The following PKDCC variants were observed in gnomAD, a reference collection of about 807,000 sequenced individuals.
PKDCC encodes protein kinase domain containing, cytoplasmic, also known as extracellular tyrosine-protein kinase PKDCC.
Under a neutral mutation model 44.7 loss-of-function variants are expected in PKDCC, and 35 were observed. The observed-to-expected ratio is 0.78, with a 90% confidence interval of 0.60 to 1.04. The LOEUF (loss-of-function observed/expected upper bound fraction) is 1.04. Ranked by LOEUF, PKDCC falls within the 50% of genes least tolerant of loss-of-function variation. The probability of loss-of-function intolerance (pLI) is 0.00; values close to 1 mark genes in which losing one functional copy is unlikely to be tolerated. For synonymous variants in PKDCC, 353 were observed against 303.3 expected (o/e 1.16, Z -1.70); for missense variants, 738 against 672.7 (o/e 1.10, Z -1.07).
Position 42,054,883 on chromosome 2 carries a change from A to G in PKDCC, c.1035-58A>G, listed in dbSNP as rs1572762297. ...AGCGTTCTGCCCCAGGTTGGAATAG[A>G]GGAAGGATGTGTCTCCAAAGGCTGG... On this transcript the variant is annotated intron_variant, in intron 3 of 6. Coordinates refer to ENST00000294964, the MANE Select transcript of PKDCC (RefSeq NM_138370.3). The surrounding 1 kb of genome is among the most constrained non-coding windows in gnomAD (Gnocchi z 6.1). The G allele has an allele frequency of 4.0e-6, 6 of 1,497,670 alleles. No individual in the cohort carries two copies. The South Asian group carries it at 5.6e-5, about 14-fold the overall frequency. 92.8% of individuals were successfully genotyped at this position (1,497,670 alleles called of 1,614,324 possible).
chr2:42,055,344 G>C lies in PKDCC; in HGVS notation c.1173G>C (p.Leu391=). The C allele has an allele frequency of 6.2e-7, 1 of 1,613,756 alleles. No homozygotes were observed. Among genetic ancestry groups the C allele is most frequent in the Non-Finnish European group, 8.5e-7 (1 of 1,180,006 alleles). The change falls in exon 5 of 7, where the codon CTG becomes CTC. Residue 391 remains leucine (L), a synonymous_variant. Coordinates refer to ENST00000294964, the MANE Select transcript of PKDCC (RefSeq NM_138370.3). The surrounding 1 kb of genome is among the most constrained non-coding windows in gnomAD (Gnocchi z 4.5). ...TLAQLEKVLH[L]YRSGQYLQNS... is the part of the protein sequence containing the mutation. ...CCCAGCTGGAGAAGGTGCTGCACCT[G>C]TACCGGAGCGGGCAGTATCTGCAGA...
chr2:42,054,290 C>T lies in PKDCC; in HGVS notation c.1017C>T (p.Asn339=). 6.2e-7 allele frequency: 1 copy of T among 1,604,312 alleles called. No individual in the cohort carries two copies. The highest frequency in any genetic ancestry group is 8.5e-7 in the Non-Finnish European group (1 of 1,175,078). ...GCGAGGGCATGAACGAGAAGCGGAA[C>T]CTCTATAATGCCTACAGGTGACCTC... ...GWCEGMNEKR[N]LYNAYRFFFT... The change falls in exon 3 of 7, where the codon AAC becomes AAT. Residue 339 remains asparagine, a synonymous_variant. Transcript: ENST00000294964. The surrounding 1 kb of genome is among the most constrained non-coding windows in gnomAD (Gnocchi z 6.1).
chr2:42,050,475 T>C (rs993416582), intron 1 of PKDCC, among the ~76,000 whole-genome samples: 2 of 152,144 alleles, frequency 1.3e-5, no homozygotes, highest in Non-Finnish European at 2.9e-5. Context: ...TTTAAGAAAC[T>C]TGTCCCTCAC....
At chr2:42,049,915 C>T (rs1667938879) in intron 1 of PKDCC, among the ~76,000 whole-genome samples, 1 of 152,210 alleles carries the variant, frequency 6.6e-6, no homozygotes. Flanking sequence ...ACACACCTTC[C>T]ACCTACCAGC....
Position 42,055,416 on chromosome 2 carries a change from A to T in PKDCC, c.1222+23A>T. The T allele has an allele frequency of 6.2e-7, 1 of 1,605,280 alleles. No homozygotes were observed. Among genetic ancestry groups the T allele is most frequent in the Non-Finnish European group, 8.5e-7 (1 of 1,174,558 alleles). On this transcript the variant is annotated intron_variant, in intron 5 of 6. Coordinates refer to ENST00000294964, the MANE Select transcript of PKDCC (RefSeq NM_138370.3). This position sits in a 1 kb window ranked among gnomAD's most constrained non-coding sequence, Gnocchi z 4.5. ...CCGGTGAGTGGCCCCAAGCTGATCC[A>T]CAGGGAAGCAAGAAACAGGTGGGAG... is the stretch of plus-strand genomic sequence containing the variant.
Position 42,053,434 on chromosome 2 carries a change from AAGC to A in PKDCC, c.762+77_762+79del, listed in dbSNP as rs1668002698. The A allele has an allele frequency of 2.1e-5, 32 of 1,515,334 alleles. 1 individual carries two copies. In the South Asian group the frequency reaches 4.2e-4, roughly 20 times the overall value. The allele number at this position is 1,515,334 out of a possible 1,614,324, so 93.9% of individuals were successfully genotyped here. A position where few individuals can be genotyped will look rare whatever the true frequency, so the allele number is the denominator to read the frequency against. Reference sequence around the variant, plus strand: ...TCTGCCTTAGAAGGCCAGCCCTCCAAAGCAGCTCCCACTCCTCCTCCACCCAGG... The same window carrying A: ...TCTGCCTTAGAAGGCCAGCCCTCCAAAGCTCCCACTCCTCCTCCACCCAGG... On this transcript the variant is annotated intron_variant, in intron 2 of 6. Coordinates refer to ENST00000294964, the MANE Select transcript of PKDCC (RefSeq NM_138370.3).
chr2:42,048,058 C>T lies in PKDCC; in HGVS notation c.-142C>T, dbSNP rs1572758453. 1 of 259,130 alleles carries T rather than the reference C, an allele frequency of 3.9e-6. No individual in the cohort carries two copies. Among genetic ancestry groups the T allele is most frequent in the Non-Finnish European group, 5.0e-6 (1 of 198,750 alleles). The allele number at this position is 259,130 out of a possible 1,614,324, so 16.1% of individuals were successfully genotyped here. A position where few individuals can be genotyped will look rare whatever the true frequency, so the allele number is the denominator to read the frequency against. ...GGCCGATGTGTCGCCCGCGAGGGGC[C>T]GGGGTCGGGGCCGCCGGGGCCATGC... On this transcript the variant is annotated 5_prime_UTR_variant, in exon 1 of 7. Coordinates refer to ENST00000294964, the MANE Select transcript of PKDCC (RefSeq NM_138370.3). The surrounding 1 kb of genome is among the most constrained non-coding windows in gnomAD (Gnocchi z 6.2).
chr2:42,048,321 CT>C lies in PKDCC; in HGVS notation c.124del (p.Ser42ArgfsTer46). 1.7e-6 allele frequency: 2 copies of C among 1,194,826 alleles called. No homozygotes were observed. Among genetic ancestry groups the C allele is most frequent in the Non-Finnish European group, 2.1e-6 (2 of 963,084 alleles). 74.0% of individuals were successfully genotyped at this position (1,194,826 alleles called of 1,614,324 possible). ...CCGAGGCCAGGCCAGTCCCCTGAGCCTTCGCCGGCCCCGGGTCCGGGCCGTC... is the reference window on the plus strand; with the variant it reads ...CCGAGGCCAGGCCAGTCCCCTGAGCCTCGCCGGCCCCGGGTCCGGGCCGTC... ...EPPRPGQSPEPSPAPGPGRRG... is the reference protein window; with the variant it reads ...EPPRPGQSPEXSPAPGPGRRG... On this transcript the variant is annotated frameshift_variant, in exon 1 of 7. Coordinates refer to ENST00000294964, the MANE Select transcript of PKDCC (RefSeq NM_138370.3). LOFTEE classifies it high-confidence loss of function. The surrounding 1 kb of genome is among the most constrained non-coding windows in gnomAD (Gnocchi z 6.2).
At chr2:42,053,656 C>A in intron 2 of PKDCC, 1 of 523,422 alleles carries the variant, frequency 1.9e-6, no homozygotes, top group Non-Finnish European at 3.4e-6. Flanking sequence ...CTCAGCCTGA[C>A]TGCAGGAGGG....
At chr2:42,056,732 C>G (rs1668062504) in intron 5 of PKDCC, among the ~76,000 whole-genome samples, 1 of 150,362 alleles carries the variant, frequency 6.7e-6, no homozygotes. Context: ...TCACTGCACT[C>G]TAGTCTAGGC....
chr2:42,050,223 C>T (rs1424865942), intron 1 of PKDCC, among the ~76,000 whole-genome samples: 3 of 152,192 alleles, frequency 2.0e-5, no homozygotes, highest in Admixed American at 2.0e-4. Context: ...CTGCACAGCT[C>T]ACACCGTGTC....
Position 42,055,072 on chromosome 2 carries a change from G to A in PKDCC, c.1114+52G>A, listed in dbSNP as rs760685917. 3.5e-5 allele frequency: 46 copies of A among 1,296,974 alleles called. No homozygotes were observed. In the East Asian group the frequency reaches 4.6e-4, roughly 13 times the overall value. The allele number at this position is 1,296,974 out of a possible 1,614,324, so 80.3% of individuals were successfully genotyped here. A position where few individuals can be genotyped will look rare whatever the true frequency, so the allele number is the denominator to read the frequency against. On this transcript the variant is annotated intron_variant, in intron 4 of 6. Coordinates refer to ENST00000294964, the MANE Select transcript of PKDCC (RefSeq NM_138370.3). The surrounding 1 kb of genome is among the most constrained non-coding windows in gnomAD (Gnocchi z 4.5). ...CCAGGCACCTACCCCACCCCCACCC[G>A]CCAGCAAAAGTGGGGAGAAAAATAA...
Position 42,055,267 on chromosome 2 carries a change from G to A in PKDCC, c.1115-19G>A. On this transcript the variant is annotated intron_variant, in intron 4 of 6. Transcript: ENST00000294964. This position sits in a 1 kb window ranked among gnomAD's most constrained non-coding sequence, Gnocchi z 4.5. ...TGGGAGCCCCAGGCATCCTGTCTTA[G>A]CCACACTGCACTCTGCAGGAGAGCT... 3 of 1,606,334 alleles carry A rather than the reference G, an allele frequency of 1.9e-6. No homozygotes were observed. Among genetic ancestry groups the A allele is most frequent in the Non-Finnish European group, 2.5e-6 (3 of 1,176,536 alleles).
chr2:42,050,808 G>T (rs1558431227), intron 1 of PKDCC, among the ~76,000 whole-genome samples: 1 of 152,030 alleles, frequency 6.6e-6, no homozygotes, highest in African/African-American at 2.4e-5. Context: ...TGAGTTTAGG[G>T]ACTGCTTTGA....
In PKDCC at chr2:42,048,137, T is replaced by TGAGCCGCCCGGGGCCGGGGCCGGG; in HGVS notation, c.-55_-32dup. On this transcript the variant is annotated 5_prime_UTR_variant, in exon 1 of 7. Transcript: ENST00000294964. The surrounding 1 kb of genome is among the most constrained non-coding windows in gnomAD (Gnocchi z 6.2). ...CGCAGAGCGGAGCCGCCTCGGAGCCTGAGCCGCCCGGGGCCGGGGCCGGGG... is the reference window on the plus strand; with the variant it reads ...CGCAGAGCGGAGCCGCCTCGGAGCCTGAGCCGCCCGGGGCCGGGGCCGGGGAGCCGCCCGGGGCCGGGGCCGGGG... 1.1e-6 allele frequency: 1 copy of TGAGCCGCCCGGGGCCGGGGCCGGG among 908,006 alleles called. No homozygotes were observed. Among genetic ancestry groups the TGAGCCGCCCGGGGCCGGGGCCGGG allele is most frequent in the Non-Finnish European group, 1.3e-6 (1 of 791,948 alleles). 56.2% of individuals were successfully genotyped at this position (908,006 alleles called of 1,614,324 possible).
chr2:42,050,105 C>T (rs1045546608), intron 1 of PKDCC, among the ~76,000 whole-genome samples: 4 of 152,200 alleles, frequency 2.6e-5, no homozygotes, highest in South Asian at 2.1e-4. Context: ...TCTCCCCCTC[C>T]CCCATCGTAT....
chr2:42,053,376 G>A lies in PKDCC; in HGVS notation c.762+15G>A. ...ATCGATTCCGAGTGAGCTCAGAGGA[G>A]GGCTCGGGCCCTGGGCTCCTTGCTA... On this transcript the variant is annotated intron_variant, in intron 2 of 6. Transcript: ENST00000294964. 1 of 1,603,864 alleles carries A rather than the reference G, an allele frequency of 6.2e-7. No individual in the cohort carries two copies. The highest frequency in any genetic ancestry group is 8.5e-7 in the Non-Finnish European group (1 of 1,174,988).
chr2:42,053,715 G>A (rs893539245), intron 2 of PKDCC, among the ~76,000 whole-genome samples: 3 of 152,132 alleles, frequency 2.0e-5, no homozygotes, highest in Non-Finnish European at 4.4e-5. Flanking sequence ...TGACCCTCCC[G>A]ATATTTCCAT....
chr2:42,055,488 G>A lies in PKDCC; in HGVS notation c.1222+95G>A. 9.0e-7 allele frequency: 1 copy of A among 1,112,970 alleles called. No individual in the cohort carries two copies. The highest frequency in any genetic ancestry group is 2.2e-5 in the Admixed American group (1 of 46,446). The allele number at this position is 1,112,970 out of a possible 1,614,324, so 68.9% of individuals were successfully genotyped here. ...AGGCTAAGTGGCTCACCCTTTCTCT[G>A]GGGACCCTTGTCTCCAAAGGCCACT... On this transcript the variant is annotated intron_variant, in intron 5 of 6. Transcript: ENST00000294964. The surrounding 1 kb of genome is among the most constrained non-coding windows in gnomAD (Gnocchi z 4.5).
Sources: gnomAD v4.1 joint callset for allele counts (sites outside exome capture counted in the v4.1 genomes callset) on GRCh38, gnomAD v4.1.1 for gene constraint, Gnocchi (gnomAD v3.1) non-coding constraint, MANE v1.5 for transcripts, NCBI Gene and HGNC (gene_info 2026-07-23, HGNC 2026-07-21) for gene names.